ANKS3: variants seen among roughly 807,000 people sequenced by gnomAD.
ANKS3 encodes the protein ankyrin repeat and SAM domain-containing protein 3.
A neutral mutation model predicts 80.7 loss-of-function variants in ANKS3; 62 were observed. The ratio of observed to expected loss-of-function variants is 0.77; its 90% CI spans 0.63 to 0.95. ANKS3 has a LOEUF of 0.95. Among genes scored for constraint, ANKS3 ranks in the 40% least tolerant of loss-of-function variants. The pLI, the probability that ANKS3 is intolerant of heterozygous loss-of-function variation, is 0.00. For missense variants in ANKS3, 1,150 were observed against 883.6 expected, an observed-to-expected ratio of 1.30 and a Z score of -3.82; for synonymous variants, 489 against 355.3, an observed-to-expected ratio of 1.38 and a Z score of -4.23.
chr16:4,701,043 G>A lies in ANKS3; in HGVS notation c.1211C>T (p.Ala404Val), dbSNP rs765789292. ...KNPDSQWPPR[A>V]ATDREGFLAE... is the part of the protein sequence containing the mutation. ...GAGAAAGCCTTCCCTGTCAGTTGCA[G>A]CGCGGGGAGGCCACTGGCTGTCAGG... Residue 404 changes from alanine (A) to valine (V), a missense_variant, in exon 11 of 18, where the codon GCT becomes GTT. Physicochemically the swap from Ala to Val is moderately conservative, Grantham distance 64. Coordinates refer to ENST00000304283, the MANE Select transcript of ANKS3 (RefSeq NM_133450.4). The A allele has an allele frequency of 6.2e-7, 1 of 1,614,090 alleles. No homozygotes were observed. Among genetic ancestry groups the A allele is most frequent in the Non-Finnish European group, 8.5e-7 (1 of 1,180,018 alleles).
intron 13 of ANKS3, 29 bp from the exon 14 acceptor site, chr16:4,698,628 CTGGGAGGTGGCCGGTCAAGCCAGACCCT>C: frequency 6.5e-7 from 1 of 1,537,540 alleles, no homozygotes; most frequent in Non-Finnish European, 8.7e-7. Context: ...CGCGGGGAGG[CTGGGAGGTGGCCGGTCAAGCCAGACCCT>C]TGGCCACGGC....
chr16:4,731,323 A>G (rs1425755549), intron 2 of ANKS3, among the ~76,000 whole-genome samples, 189 bp downstream of exon 2: 2 of 152,240 alleles, frequency 1.3e-5, no homozygotes, highest in East Asian at 3.8e-4. Flanking sequence ...TCTGTTGCCC[A>G]GGCTGGAGTG....
In ANKS3 at chr16:4,698,446, G is replaced by C. The variant is rs1296293102; in HGVS notation, c.1705C>G (p.Leu569Val). ...ETWALARDAA[L>V]VLDQLRACQA... ...ACTCACCGCAGCTGGTCCAGGACGA[G>C]GGCAGCATCCCGGGCCAGGGCCCAC... Residue 569 changes from leucine to valine, a missense_variant, in exon 14 of 18, where the codon CTC (leucine) becomes GTC (valine). Transcript: ENST00000304283. 1.3e-6 allele frequency: 2 copies of C among 1,536,588 alleles called. No homozygotes were observed. Among genetic ancestry groups the C allele is most frequent in the East Asian group, 4.8e-5 (2 of 42,002 alleles).
intron 6 of ANKS3, among the ~76,000 whole-genome samples, chr16:4,716,955 G>A (rs2080835124): frequency 6.6e-6 from 1 of 151,914 alleles, no homozygotes; most frequent in Non-Finnish European, 1.5e-5. Context: ...TTATAAGCTG[G>A]GCACGGTGGC....
At chr16:4,723,572 G>C (rs1243500602) in intron 6 of ANKS3, among the ~76,000 whole-genome samples, 2 of 152,136 alleles carry the variant, frequency 1.3e-5, no homozygotes, top group African/African-American at 4.8e-5. Context: ...ACCGGCGTGC[G>C]CCACCGCACC....
intron 5 of ANKS3, chr16:4,725,090 T>C: frequency 3.0e-6 from 1 of 335,694 alleles, no homozygotes; most frequent in Non-Finnish European, 5.4e-6. Flanking sequence ...CTGTTGGCTA[T>C]TCCCACTGGC....
chr16:4,703,836 T>G (rs960387401), intron 8 of ANKS3, among the ~76,000 whole-genome samples: 2 of 152,066 alleles, frequency 1.3e-5, no homozygotes, highest in African/African-American at 4.8e-5. Flanking sequence ...ATTACTTCTC[T>G]GTGGATACAT....
chr16:4,730,390 G>A (rs1596464999), intron 2 of ANKS3: 2 of 371,872 alleles, frequency 5.4e-6, no homozygotes, highest in East Asian at 8.0e-5. Flanking sequence ...ATATGGTGAG[G>A]CATTAACTGT....
At chr16:4,722,610 A>G (rs1043157071) in intron 6 of ANKS3, among the ~76,000 whole-genome samples, 1 of 151,198 alleles carries the variant, frequency 6.6e-6, no homozygotes, top group Non-Finnish European at 1.5e-5. Flanking sequence ...CAAATGGCTA[A>G]GAAATCAATT....
chr16:4,703,082 T>C (rs948737963), intron 8 of ANKS3, among the ~76,000 whole-genome samples: 8 of 152,172 alleles, frequency 5.3e-5, no homozygotes, highest in African/African-American at 7.2e-5. Context: ...TATGGAGAAG[T>C]TTTTCTAATC....
chr16:4,700,731 C>T (rs777128759), intron 11 of ANKS3: 1 of 681,108 alleles, frequency 1.5e-6, no homozygotes, highest in South Asian at 1.5e-5. Flanking sequence ...AGGCCAACTC[C>T]AGTATGGAAA....
chr16:4,726,198 G>C (rs1397322168), intron 5 of ANKS3, among the ~76,000 whole-genome samples: 1 of 151,616 alleles, frequency 6.6e-6, no homozygotes, highest in Admixed American at 6.6e-5. Flanking sequence ...GGATGGTCTC[G>C]ATCTCCTGAC....
intron 7 of ANKS3, among the ~76,000 whole-genome samples, chr16:4,706,658 G>A (rs1329291048): frequency 6.6e-6 from 1 of 152,174 alleles, no homozygotes; most frequent in Non-Finnish European, 1.5e-5. Context: ...TAGCTTTTCA[G>A]TTTTTCATAT....
At chr16:4,719,977 C>A (rs1426251567) in intron 6 of ANKS3, among the ~76,000 whole-genome samples, 1 of 149,938 alleles carries the variant, frequency 6.7e-6, no homozygotes, top group African/African-American at 2.4e-5. Context: ...GCCTGGCCAA[C>A]ATGGTGAAAC....
chr16:4,716,985 A>G (rs2080837132), intron 6 of ANKS3, among the ~76,000 whole-genome samples: 1 of 152,126 alleles, frequency 6.6e-6, no homozygotes, highest in Admixed American at 6.6e-5. Context: ...TAATCCCAGC[A>G]CTTTGGTAGG....
Position 4,727,122 on chromosome 16 carries a change from C to A in ANKS3, c.226G>T (p.Ala76Ser), listed in dbSNP as rs1215259103. ...ATTGTGTCGTGGCCAATGTAGGAGG[C>A]ATACATCAGCGGGGTCCAGCCACCA... ...NGGGWTPLMY[A>S]SYIGHDTIVH... Residue 76 changes from alanine (A) to serine (S), a missense_variant, in exon 4 of 18, where the codon GCC (alanine) becomes TCC (serine). Physicochemically the swap from Ala to Ser is moderately conservative, Grantham distance 99. Coordinates refer to ENST00000304283, the MANE Select transcript of ANKS3 (RefSeq NM_133450.4). The A allele has an allele frequency of 6.2e-7, 1 of 1,614,192 alleles. No homozygotes were observed. The highest frequency in any genetic ancestry group is 1.3e-5 in the African/African-American group (1 of 75,060).
rs771620392 is a variant in ANKS3, at chr16:4,698,865, G to C, written c.1486C>G (p.Leu496Val). Reference protein sequence around the residue: ...HSSARPPGDALELAYADRLEA... With the variant: ...HSSARPPGDAVELAYADRLEA... ...AGCCGGTCGGCGTAGGCCAGCTCCA[G>C]GGCATCCCCGGGTGGGCGGGCACTG... Residue 496 changes from leucine to valine, a missense_variant, in exon 13 of 18, where the codon CTG becomes GTG. By Grantham distance (32) the Leu-to-Val change is conservative. Coordinates refer to ENST00000304283, the MANE Select transcript of ANKS3 (RefSeq NM_133450.4). 7 of 1,602,424 alleles carry C rather than the reference G, an allele frequency of 4.4e-6. No homozygotes were observed. The highest frequency in any genetic ancestry group is 2.2e-5 in the East Asian group (1 of 44,800).
intron 7 of ANKS3, among the ~76,000 whole-genome samples, chr16:4,707,050 T>A (rs1387755512): frequency 6.6e-6 from 1 of 152,056 alleles, no homozygotes; most frequent in East Asian, 1.9e-4. Flanking sequence ...TCTATAGCAC[T>A]CCAGGGAGAC....
Position 4,734,240 on chromosome 16 carries a change from G to A in ANKS3, c.-373C>T, listed in dbSNP as rs1029784117. On this transcript the variant is annotated 5_prime_UTR_variant, in exon 1 of 18. Coordinates refer to ENST00000304283, the MANE Select transcript of ANKS3 (RefSeq NM_133450.4). ...CAGCTCGCCGCCACGCTCCCTCGCC[G>A]GGGCACCGCCCCCGGCACCCGCCCC... The A allele has an allele frequency of 4.8e-4, 77 of 159,812 alleles. No individual in the cohort carries two copies. Among genetic ancestry groups the A allele is most frequent in the Admixed American group, 1.8e-3 (28 of 15,322 alleles). 9.9% of individuals were successfully genotyped at this position (159,812 alleles called of 1,614,324 possible).
Sources: gnomAD v4.1 joint callset for allele counts (sites outside exome capture counted in the v4.1 genomes callset) on GRCh38, gnomAD v4.1.1 for gene constraint, MANE v1.5 for transcripts, NCBI Gene and HGNC (gene_info 2026-07-23, HGNC 2026-07-21) for gene names.